PTPRQ: variants seen among roughly 807,000 people sequenced by gnomAD.
PTPRQ encodes protein tyrosine phosphatase receptor type Q, also known as phosphatidylinositol phosphatase PTPRQ.
PTPRQ carries 199 observed loss-of-function variants against 246.0 expected under a neutral mutation model. The ratio of observed to expected loss-of-function variants is 0.81; its 90% CI spans 0.72 to 0.91. The LOEUF (loss-of-function observed/expected upper bound fraction) is 0.91. PTPRQ is among the 40% of genes least tolerant of loss of function. PTPRQ has a pLI of 0.00. For missense variants in PTPRQ, 2,624 were observed against 2,528.4 expected (o/e 1.04, Z -0.81); for synonymous variants, 869 against 853.2 (o/e 1.02, Z -0.32).
intron 22 of PTPRQ, 81 bp downstream of exon 22, chr12:80,542,445 TG>T: frequency 6.8e-7 from 1 of 1,470,640 alleles, no homozygotes. Context: ...GCATGGAATA[TG>T]AAAGGATATC....
rs539331802 is a variant in PTPRQ, at chr12:80,647,872, A to G, written c.5916-1025A>G. On this transcript the variant is annotated intron_variant, in intron 35 of 44. Transcript: ENST00000644991. Reference sequence around the variant, plus strand: ...TTTACCCTGAGAAGCTGGAAGATACAACATCTCTTTCTGCTTGGGGGGCAC... The same window carrying G: ...TTTACCCTGAGAAGCTGGAAGATACGACATCTCTTTCTGCTTGGGGGGCAC... Among the ~76,000 whole-genome samples the G allele has an allele frequency of 9.9e-5, 15 of 151,100 alleles. No individual in the cohort carries two copies. In the South Asian group the frequency reaches 2.9e-3, roughly 29 times the overall value.
At chr12:80,527,795 G>T (rs1895732377) in intron 17 of PTPRQ, among the ~76,000 whole-genome samples, 1 of 151,924 alleles carries the variant, frequency 6.6e-6, no homozygotes, top group South Asian at 2.1e-4. Flanking sequence ...AGACCAGCGT[G>T]GGCACCATAA....
At chr12:80,544,795 A>G (rs1171054480) in intron 23 of PTPRQ, among the ~76,000 whole-genome samples, 1 of 151,592 alleles carries the variant, frequency 6.6e-6, no homozygotes, top group Non-Finnish European at 1.5e-5. Context: ...CTGTTTTTCT[A>G]TTCTTTTTCT....
At chr12:80,514,180 C>T (rs1235150628) in intron 17 of PTPRQ, among the ~76,000 whole-genome samples, 1 of 151,852 alleles carries the variant, frequency 6.6e-6, no homozygotes, top group African/African-American at 2.4e-5. Flanking sequence ...AAAATTTTTC[C>T]TTTTATCTTT....
chr12:80,555,217 GC>G (rs545413019), intron 25 of PTPRQ, among the ~76,000 whole-genome samples: 1 of 152,040 alleles, frequency 6.6e-6, no homozygotes, highest in Non-Finnish European at 1.5e-5. Context: ...CTCCCAGCCT[GC>G]CCAGCTAATT....
intron 25 of PTPRQ, among the ~76,000 whole-genome samples, chr12:80,556,531 T>C (rs1449144574): frequency 1.3e-5 from 2 of 152,228 alleles, no homozygotes; most frequent in African/African-American, 2.4e-5. Context: ...AGTACACTAA[T>C]GTTTACTTAG....
At chr12:80,569,666 C>G (rs1647444535) in intron 25 of PTPRQ, among the ~76,000 whole-genome samples, 1 of 151,628 alleles carries the variant, frequency 6.6e-6, no homozygotes, top group Non-Finnish European at 1.5e-5. Flanking sequence ...TATATGCAAG[C>G]CATGGTGGTT....
intron 3 of PTPRQ, among the ~76,000 whole-genome samples, chr12:80,448,619 G>A (rs10047591): frequency 0.076 from 11,427 of 149,474 alleles, 852 homozygotes; most frequent in African/African-American, 0.19. Flanking sequence ...GTGAGAATAT[G>A]CGGTACTTGG....
At chr12:80,550,228 G>A (rs575409386) in intron 25 of PTPRQ, among the ~76,000 whole-genome samples, 3 of 152,164 alleles carry the variant, frequency 2.0e-5, no homozygotes, top group Non-Finnish European at 4.4e-5. Context: ...TCCACAAGAC[G>A]AAATTCTCAC....
intron 26 of PTPRQ, among the ~76,000 whole-genome samples, chr12:80,592,535 AATT>A (rs1299234305): frequency 1.3e-5 from 2 of 152,154 alleles, no homozygotes; most frequent in Non-Finnish European, 2.9e-5. Context: ...GAATAAAAGA[AATT>A]ATAACAGTTA....
At chr12:80,668,093 G>A (rs75512478) in intron 39 of PTPRQ, among the ~76,000 whole-genome samples, 4,076 of 151,944 alleles carry the variant, frequency 0.027, 174 homozygotes, top group African/African-American at 0.092. Flanking sequence ...CAATTTCAAT[G>A]TAAAAAAGTA....
chr12:80,483,362 T>A (rs1348857487), intron 8 of PTPRQ, among the ~76,000 whole-genome samples: 2 of 121,456 alleles, frequency 1.6e-5, no homozygotes, highest in African/African-American at 3.2e-5. Context: ...AACATCACAC[T>A]CTGGGGCCTG....
At chr12:80,498,935 A>G (rs910043011) in intron 14 of PTPRQ, among the ~76,000 whole-genome samples, 7 of 152,038 alleles carry the variant, frequency 4.6e-5, no homozygotes, top group African/African-American at 1.7e-4. Flanking sequence ...TGTCTGTATG[A>G]GTTTAATTCA....
chr12:80,472,719 AC>A (rs1249235700), intron 8 of PTPRQ, among the ~76,000 whole-genome samples: 4 of 152,224 alleles, frequency 2.6e-5, no homozygotes, highest in African/African-American at 9.6e-5. Context: ...ATATAGATTT[AC>A]CAGCATTTAC....
At chr12:80,588,065 T>C (rs1821825467) in intron 25 of PTPRQ, 64 bp from the exon 26 acceptor site, 3 of 1,439,652 alleles carry the variant, frequency 2.1e-6, no homozygotes. Context: ...AATTCTATTC[T>C]TTCTTCTCTT....
At chr12:80,473,368 T>C (rs1893713835) in intron 8 of PTPRQ, among the ~76,000 whole-genome samples, 1 of 152,160 alleles carries the variant, frequency 6.6e-6, no homozygotes, top group South Asian at 2.1e-4. Context: ...AAATCTTAAG[T>C]TTTCCTCCAT....
chr12:80,613,309 C>T (rs1434233402), intron 28 of PTPRQ, among the ~76,000 whole-genome samples: 1 of 150,514 alleles, frequency 6.6e-6, no homozygotes. Context: ...CAAAGGGAGA[C>T]CCTGTCTCGA....
Position 80,613,734 on chromosome 12 carries a change from T to C in PTPRQ, c.5061T>C (p.Pro1687=), listed in dbSNP as rs186848048. The C allele has an allele frequency of 5.6e-3, 8,680 of 1,546,136 alleles. 48 individuals carry two copies. The highest frequency in any genetic ancestry group is 6.2e-3 in the Non-Finnish European group (7,106 of 1,143,212). The change falls in exon 29 of 45, where the codon CCT becomes CCC. Residue 1687 remains proline (P), a synonymous_variant. Coordinates refer to ENST00000644991, the MANE Select transcript of PTPRQ (RefSeq NM_001145026.2). Reference sequence around the variant, plus strand: ...CTCTGGTTTACCGAGAAGATGATCCTACTGCTGTCCAGATTCACAACCTCA... The same window carrying C: ...CTCTGGTTTACCGAGAAGATGATCCCACTGCTGTCCAGATTCACAACCTCA... The part of the protein sequence containing the change: ...YQALVYREDD[P]TAVQIHNLSI...
At chr12:80,488,113 C>T (rs1489776655) in intron 9 of PTPRQ, among the ~76,000 whole-genome samples, 6 of 151,458 alleles carry the variant, frequency 4.0e-5, no homozygotes, top group Non-Finnish European at 5.9e-5. Flanking sequence ...TTTTTTGTCC[C>T]ATGTGGCCTT....
Sources: allele counts gnomAD v4.1 joint callset (sites outside exome capture counted in the v4.1 genomes callset), GRCh38; gene constraint gnomAD v4.1.1; transcripts MANE v1.5; gene names NCBI Gene and HGNC (gene_info 2026-07-23, HGNC 2026-07-21).